Variants in FOXN4 observed in about 807,000 individuals in gnomAD.
FOXN4 encodes the protein forkhead box N4.
A neutral mutation model predicts 45.0 loss-of-function variants in FOXN4; 12 were observed. The ratio of observed to expected loss-of-function variants is 0.27; its 90% CI spans 0.17 to 0.43. The LOEUF is 0.43. Among genes scored for constraint, FOXN4 ranks in the 20% least tolerant of loss-of-function variants. The pLI, the probability that FOXN4 is intolerant of heterozygous loss-of-function variation, is 1.00. For synonymous variants in FOXN4, 297 were observed against 295.0 expected, an observed-to-expected ratio of 1.01 and a Z score of -0.07; for missense variants, 560 against 694.9, an observed-to-expected ratio of 0.81 and a Z score of 2.18.
Position 109,287,785 on chromosome 12 carries a change from G to T in FOXN4, c.468+59C>A. 1 of 1,459,866 alleles carries T rather than the reference G, an allele frequency of 6.8e-7. No homozygotes were observed. The highest frequency in any genetic ancestry group is 1.3e-5 in the South Asian group (1 of 75,208). The allele number at this position is 1,459,866 out of a possible 1,614,324, so 90.4% of individuals were successfully genotyped here. On this transcript the variant is annotated intron_variant, in intron 5 of 9. Coordinates refer to ENST00000299162, the MANE Select transcript of FOXN4 (RefSeq NM_213596.3). This position sits in a 1 kb window ranked among gnomAD's most constrained non-coding sequence, Gnocchi z 4.1. ...TAAACTGAGGCTCAGAGGGGTCCCCGGCCAGCCCAAGGCAGGGTGTCTGCT... is the reference window on the plus strand; with the variant it reads ...TAAACTGAGGCTCAGAGGGGTCCCCTGCCAGCCCAAGGCAGGGTGTCTGCT...
At chr12:109,305,649 G>C (rs768135453) in intron 2 of FOXN4, among the ~76,000 whole-genome samples, 15 of 152,310 alleles carry the variant, frequency 9.8e-5, no homozygotes, top group South Asian at 2.1e-4. Flanking sequence ...AGAATTGCTT[G>C]AGCCCGGGAG....
intron 2 of FOXN4, among the ~76,000 whole-genome samples, chr12:109,300,347 A>ATGC (rs2047858484): frequency 1.3e-5 from 2 of 152,260 alleles, no homozygotes; most frequent in East Asian, 3.9e-4. Flanking sequence ...CCTGCATGGG[A>ATGC]TGCTACCTTC....
intron 2 of FOXN4, among the ~76,000 whole-genome samples, chr12:109,307,482 A>G (rs2047932113): frequency 6.6e-6 from 1 of 152,146 alleles, no homozygotes; most frequent in African/African-American, 2.4e-5. Context: ...GACCTTGGAC[A>G]AGCCCTTTCC....
At chr12:109,298,323 T>C (rs1057488328) in intron 2 of FOXN4, among the ~76,000 whole-genome samples, 1 of 147,118 alleles carries the variant, frequency 6.8e-6, no homozygotes, top group Non-Finnish European at 1.5e-5. Context: ...CGGTTCCTTT[T>C]GTTTCAGGTT....
At chr12:109,306,494 C>T (rs1053384051) in intron 2 of FOXN4, among the ~76,000 whole-genome samples, 2 of 152,180 alleles carry the variant, frequency 1.3e-5, no homozygotes, top group South Asian at 2.1e-4. Context: ...AGGAAGGATG[C>T]GCTCGCCCAG....
At position 109,295,040 on chromosome 12, in the gene FOXN4, C is replaced by T. The variant is rs545987029; in HGVS notation, c.87-4754G>A. Among the ~76,000 whole-genome samples the T allele has an allele frequency of 1.8e-4, 27 of 152,278 alleles. 1 individual carries two copies. The South Asian group carries it at 5.2e-3, about 29-fold the overall frequency. ...ATAGGCCCTGGGGAGGGCACTTAAT[C>T]GCCAGCCTCAGTTTCCCACCTGTAA... On this transcript the variant is annotated intron_variant, in intron 2 of 9. Transcript: ENST00000299162.
At chr12:109,283,302 G>C (rs952697249) in intron 8 of FOXN4, among the ~76,000 whole-genome samples, 9 of 151,900 alleles carry the variant, frequency 5.9e-5, no homozygotes, top group African/African-American at 2.2e-4. Context: ...TAAAGATTTT[G>C]GTGTATTTCT....
In FOXN4 at chr12:109,308,253, G is replaced by A. The variant is rs1261346324; in HGVS notation, c.69C>T (p.Pro23=). 2 of 1,551,690 alleles carry A rather than the reference G, an allele frequency of 1.3e-6. No homozygotes were observed. The highest frequency in any genetic ancestry group is 2.4e-5 in the East Asian group (1 of 40,918). Residue 23 remains proline (P), a synonymous_variant, in exon 2 of 10, where the codon CCC becomes CCT. Coordinates refer to ENST00000299162, the MANE Select transcript of FOXN4 (RefSeq NM_213596.3). Reference sequence around the variant, plus strand: ...GCCCTCACCTGTATTCCTGTGGAGAGGGGTGGTGATTTTGCCCTGAGTTTC... The same window carrying A: ...GCCCTCACCTGTATTCCTGTGGAGAAGGGTGGTGATTTTGCCCTGAGTTTC... The part of the protein sequence containing the change: ...IIRNSGQNHH[P]SPQEYRLLAT...
chr12:109,298,727 C>T (rs2047842167), intron 2 of FOXN4, among the ~76,000 whole-genome samples: 1 of 152,162 alleles, frequency 6.6e-6, no homozygotes, highest in African/African-American at 2.4e-5. Flanking sequence ...GGTGAACCCC[C>T]TGGGAGCATT....
chr12:109,308,404 T>C, intron 1 of FOXN4, 80 bp from the exon 2 acceptor site: 1 of 922,162 alleles, frequency 1.1e-6, no homozygotes, highest in Non-Finnish European at 1.6e-6. Context: ...TTTCCCGCAA[T>C]TCAGAAAGAT....
At chr12:109,285,173 C>T (rs1485188689) in intron 8 of FOXN4, 131 bp downstream of exon 8, 59 of 1,042,868 alleles carry the variant, frequency 5.7e-5, no homozygotes, top group African/African-American at 6.5e-5. Context: ...TGTGTGTGTG[C>T]GCGTGCGTAT....
At position 109,287,540 on chromosome 12, in the gene FOXN4, G is replaced by C; in HGVS notation, c.469-16C>G. On this transcript the variant is annotated splice_polypyrimidine_tract_variant and intron_variant, in intron 5 of 9. Coordinates refer to ENST00000299162, the MANE Select transcript of FOXN4 (RefSeq NM_213596.3). This position sits in a 1 kb window ranked among gnomAD's most constrained non-coding sequence, Gnocchi z 4.1. ...CAGGAGGGCACTTCCCACAGGCAGG[G>C]GCAGGGAGAAAGTGGCAGAGAAAGA... 1 of 1,510,078 alleles carries C rather than the reference G, an allele frequency of 6.6e-7. No individual in the cohort carries two copies. The highest frequency in any genetic ancestry group is 1.3e-5 in the South Asian group (1 of 76,722). 93.5% of individuals were successfully genotyped at this position (1,510,078 alleles called of 1,614,324 possible).
rs1023671085 is a variant in FOXN4 at position 109,288,497 on chromosome 12, C to T, written c.233-317G>A. Among the ~76,000 whole-genome samples the T allele has an allele frequency of 2.6e-5, 4 of 152,198 alleles. No individual in the cohort carries two copies. Among genetic ancestry groups the T allele is most frequent in the African/African-American group, 9.6e-5 (4 of 41,452 alleles). On this transcript the variant is annotated intron_variant, in intron 3 of 9. Transcript: ENST00000299162. This position sits in a 1 kb window ranked among gnomAD's most constrained non-coding sequence, Gnocchi z 4.3. ...CACACTGCTGGGCACATGATAATAT[C>T]TCAATAAACATGAGTCAATAATAAA...
At position 109,278,581 on chromosome 12, in the gene FOXN4, G is replaced by A. The variant is rs2047625597; in HGVS notation, c.*1090C>T. ...AGTTTTGTCCACCACTTGCCACGTG[G>A]TTCGAGCTTTACGTGGTTCAGTTGG... On this transcript the variant is annotated 3_prime_UTR_variant, in exon 10 of 10. Coordinates refer to ENST00000299162, the MANE Select transcript of FOXN4 (RefSeq NM_213596.3). 2.0e-5 allele frequency: 3 copies of A among 152,170 alleles called. No homozygotes were observed. Among genetic ancestry groups the A allele is most frequent in the Non-Finnish European group, 1.5e-5 (1 of 68,030 alleles). The allele number at this position is 152,170 out of a possible 1,614,324, so 9.4% of individuals were successfully genotyped here.
At chr12:109,300,052 C>T (rs755157286) in intron 2 of FOXN4, among the ~76,000 whole-genome samples, 13 of 152,208 alleles carry the variant, frequency 8.5e-5, no homozygotes, top group Non-Finnish European at 1.2e-4. Flanking sequence ...TGCTAATGCT[C>T]ATCCATCTCA....
Position 109,279,351 on chromosome 12 carries a change from C to T in FOXN4, c.*320G>A. ...GCCAGGATCCAGGATGGAGAAGTCT[C>T]ACTCAACACGGGCAGGCATTGCGGC... On this transcript the variant is annotated 3_prime_UTR_variant, in exon 10 of 10. Coordinates refer to ENST00000299162, the MANE Select transcript of FOXN4 (RefSeq NM_213596.3). 1 of 409,150 alleles carries T rather than the reference C, an allele frequency of 2.4e-6. No homozygotes were observed. Among genetic ancestry groups the T allele is most frequent in the South Asian group, 2.8e-5 (1 of 35,612 alleles). The allele number at this position is 409,150 out of a possible 1,614,324, so 25.3% of individuals were successfully genotyped here.
chr12:109,281,194 G>A (rs2047648440), intron 9 of FOXN4, among the ~76,000 whole-genome samples: 1 of 152,236 alleles, frequency 6.6e-6, no homozygotes, highest in African/African-American at 2.4e-5. Context: ...CAACGAGCAT[G>A]ACATTTGAGT....
intron 2 of FOXN4, among the ~76,000 whole-genome samples, chr12:109,296,747 G>T (rs1054983004): frequency 6.6e-6 from 1 of 152,128 alleles, no homozygotes; most frequent in Non-Finnish European, 1.5e-5. Context: ...GGCACACAAA[G>T]GCTGCTCTAC....
intron 8 of FOXN4, among the ~76,000 whole-genome samples, chr12:109,283,055 T>C (rs1280012257): frequency 6.6e-6 from 1 of 151,960 alleles, no homozygotes; most frequent in Non-Finnish European, 1.5e-5. Context: ...GCCCCATTCC[T>C]ACACCGCATG....
Sources: gnomAD v4.1 joint callset for allele counts (sites outside exome capture counted in the v4.1 genomes callset) on GRCh38, gnomAD v4.1.1 for gene constraint, Gnocchi (gnomAD v3.1) non-coding constraint, MANE v1.5 for transcripts, NCBI Gene and HGNC (gene_info 2026-07-23, HGNC 2026-07-21) for gene names.